SLC3A1: variants seen among roughly 807,000 people sequenced by gnomAD.
SLC3A1 encodes solute carrier family 3 member 1, also known as amino acid transporter heavy chain SLC3A1.
Under a neutral mutation model 60.3 loss-of-function variants are expected in SLC3A1, and 78 were observed. That is an observed-to-expected ratio of 1.29 (90% CI 1.08 to 1.56). The LOEUF (loss-of-function observed/expected upper bound fraction) is 1.56, where lower values mean the gene tolerates loss of function less well. Among genes scored for constraint, SLC3A1 ranks in the 40% most tolerant of loss-of-function variants. The pLI, the probability that SLC3A1 is intolerant of heterozygous loss-of-function variation, is 0.00. For synonymous variants in SLC3A1, 392 were observed against 307.9 expected (o/e 1.27, Z -2.86); for missense variants, 1,172 against 858.9 (o/e 1.36, Z -4.56).
intron 1 of SLC3A1, among the ~76,000 whole-genome samples, chr2:44,278,932 C>T (rs1020683883): frequency 6.6e-6 from 1 of 152,088 alleles, no homozygotes; most frequent in African/African-American, 2.4e-5. Context: ...CCTTCTCAGA[C>T]CCCGTGCACT....
Position 44,275,724 on chromosome 2 carries a change from G to GC in SLC3A1, c.192dup (p.Tyr65LeufsTer71). On this transcript the variant is annotated frameshift_variant, in exon 1 of 10. Coordinates refer to ENST00000260649, the MANE Select transcript of SLC3A1 (RefSeq NM_000341.4). LOFTEE classifies it high-confidence loss of function. ...AGGAGCCCGACTTCAAGGGCGTCCA[G>GC]CCCTATGCGGGGATGCCCAAGGAGG... 6.2e-7 allele frequency: 1 copy of GC among 1,614,228 alleles called. No homozygotes were observed. The highest frequency in any genetic ancestry group is 1.1e-5 in the South Asian group (1 of 91,090).
At chr2:44,313,588 C>CA (rs1672350892) in intron 8 of SLC3A1, among the ~76,000 whole-genome samples, 1 of 152,184 alleles carries the variant, frequency 6.6e-6, no homozygotes, top group Non-Finnish European at 1.5e-5. Flanking sequence ...GCAGAGATTT[C>CA]AAGCATGTAT....
intron 1 of SLC3A1, among the ~76,000 whole-genome samples, chr2:44,276,629 G>T (rs1246056137): frequency 6.6e-6 from 1 of 151,996 alleles, no homozygotes; most frequent in Non-Finnish European, 1.5e-5. Context: ...GGGAGGCTGA[G>T]GTGGGAGGAT....
chr2:44,280,717 T>C lies in SLC3A1; in HGVS notation c.432T>C (p.Gly144=). Residue 144 remains glycine (G), a splice_region_variant and synonymous_variant, in exon 2 of 10, where the codon GGT becomes GGC. Coordinates refer to ENST00000260649, the MANE Select transcript of SLC3A1 (RefSeq NM_000341.4). ...CATGACTTTGACTTTTTTCTTCAGG[T>C]ATTCAAGATAAACTGGACTACATCA... ...SNKDGNGDLK[G]IQDKLDYITA... The C allele has an allele frequency of 1.2e-6, 2 of 1,604,128 alleles. No individual in the cohort carries two copies. Among genetic ancestry groups the C allele is most frequent in the Non-Finnish European group, 1.7e-6 (2 of 1,171,250 alleles).
At chr2:44,313,149 T>A (rs1042019865) in intron 8 of SLC3A1, among the ~76,000 whole-genome samples, 2 of 152,240 alleles carry the variant, frequency 1.3e-5, no homozygotes, top group Non-Finnish European at 2.9e-5. Context: ...CTTATTTCTT[T>A]AGTTCTCATT....
intron 6 of SLC3A1, 31 bp downstream of exon 6, chr2:44,301,158 C>G: frequency 6.2e-7 from 1 of 1,613,986 alleles, no homozygotes; most frequent in South Asian, 1.1e-5. Flanking sequence ...TCATTTCTTC[C>G]CAGGCTTAGT....
At chr2:44,309,232 CCT>C (rs556513381) in intron 7 of SLC3A1, among the ~76,000 whole-genome samples, 41 of 152,158 alleles carry the variant, frequency 2.7e-4, no homozygotes, top group Non-Finnish European at 5.4e-4. Flanking sequence ...ACCACTAACC[CCT>C]GATATCCTCC....
At chr2:44,292,249 G>A (rs1204760514) in intron 4 of SLC3A1, among the ~76,000 whole-genome samples, 1 of 152,100 alleles carries the variant, frequency 6.6e-6, no homozygotes, top group African/African-American at 2.4e-5. Flanking sequence ...GGAACCCAGA[G>A]CACAGGCGTA....
intron 4 of SLC3A1, among the ~76,000 whole-genome samples, chr2:44,298,082 G>A (rs1025994102): frequency 3.3e-5 from 5 of 152,052 alleles, no homozygotes; most frequent in Non-Finnish European, 7.4e-5. Flanking sequence ...CATTTCTCTC[G>A]GGTATATACC....
chr2:44,278,309 G>C (rs571741055), intron 1 of SLC3A1, among the ~76,000 whole-genome samples: 1 of 152,056 alleles, frequency 6.6e-6, no homozygotes. Context: ...TCAGCTGGGC[G>C]TGGTGGCGGG....
chr2:44,307,564 ATTTT>A (rs34665826), intron 7 of SLC3A1, among the ~76,000 whole-genome samples: 4 of 129,634 alleles, frequency 3.1e-5, no homozygotes, highest in East Asian at 2.4e-4. Flanking sequence ...ATCTCATTGC[ATTTT>A]TTTTTTTTTT....
rs781697060 is a variant in SLC3A1, at chr2:44,275,779, T to C, written c.244T>C (p.Tyr82His). Residue 82 changes from tyrosine to histidine, a missense_variant, in exon 1 of 10, where the codon TAC (tyrosine) becomes CAC (histidine). Physicochemically the swap from Tyr to His is moderately conservative, Grantham distance 83 (BLOSUM62 2). Transcript: ENST00000260649. ...VLFQFSGQAR[Y>H]RIPREILFWL... ...GTTCCAGTTCTCTGGCCAGGCCCGCTACCGCATACCTCGGGAGATCCTCTT... is the reference window on the plus strand; with the variant it reads ...GTTCCAGTTCTCTGGCCAGGCCCGCCACCGCATACCTCGGGAGATCCTCTT... The C allele has an allele frequency of 1.1e-5, 18 of 1,614,272 alleles. No homozygotes were observed. The highest frequency in any genetic ancestry group is 1.4e-5 in the Non-Finnish European group (17 of 1,180,042).
chr2:44,298,566 C>T (rs901881375), intron 4 of SLC3A1, among the ~76,000 whole-genome samples: 4 of 152,132 alleles, frequency 2.6e-5, no homozygotes, highest in South Asian at 2.1e-4. Context: ...TTAGTAGAGG[C>T]GGGGTTTTAC....
intron 9 of SLC3A1, chr2:44,318,260 T>C: frequency 3.3e-6 from 1 of 300,928 alleles, no homozygotes; most frequent in South Asian, 2.5e-5. Context: ...CCGGGTAATT[T>C]CTGTATTTTT....
rs376897765 is a variant in SLC3A1, at chr2:44,320,618, C to T, written c.2037C>T (p.Asn679=). 1.6e-5 allele frequency: 26 copies of T among 1,613,788 alleles called. No homozygotes were observed. Among genetic ancestry groups the T allele is most frequent in the Middle Eastern group, 3.3e-4 (2 of 6,060 alleles). ...SNRACYSSVL[N]ILYTSC The stretch of plus-strand genomic sequence containing the variant: ...GAGCATGCTATTCCAGTGTACTGAA[C>T]ATACTGTATACCTCGTGTTAGGCAC... The change falls in exon 10 of 10, where the codon AAC becomes AAT. Residue 679 remains asparagine (N), a synonymous_variant. Coordinates refer to ENST00000260649, the MANE Select transcript of SLC3A1 (RefSeq NM_000341.4).
At chr2:44,291,546 T>G (rs568942026) in intron 4 of SLC3A1, among the ~76,000 whole-genome samples, 17 of 152,244 alleles carry the variant, frequency 1.1e-4, no homozygotes, top group African/African-American at 4.1e-4. Context: ...AGATTTACTA[T>G]TAGAAGTAAA....
At chr2:44,289,073 A>C (rs1671680169) in intron 4 of SLC3A1, among the ~76,000 whole-genome samples, 1 of 151,752 alleles carries the variant, frequency 6.6e-6, no homozygotes, top group African/African-American at 2.4e-5. Flanking sequence ...GGTCTCAAGC[A>C]ATCCTCCCTC....
intron 7 of SLC3A1, among the ~76,000 whole-genome samples, chr2:44,310,028 G>C (rs1672254470): frequency 6.6e-6 from 1 of 152,064 alleles, no homozygotes; most frequent in African/African-American, 2.4e-5. Context: ...AAAGTAGCTG[G>C]GACTATAGGT....
At chr2:44,296,963 G>A (rs757724295) in intron 4 of SLC3A1, among the ~76,000 whole-genome samples, 26 of 152,158 alleles carry the variant, frequency 1.7e-4, no homozygotes, top group Non-Finnish European at 3.8e-4. Flanking sequence ...CTTCTGCCAT[G>A]ATTGTGAGGC....
Sources: gnomAD v4.1 joint callset for allele counts (sites outside exome capture counted in the v4.1 genomes callset) on GRCh38, gnomAD v4.1.1 for gene constraint, MANE v1.5 for transcripts, NCBI Gene and HGNC (gene_info 2026-07-23, HGNC 2026-07-21) for gene names.